The following KLRG1 variants were observed in gnomAD, a reference collection of about 807,000 sequenced individuals.
The protein encoded by KLRG1 is killer cell lectin-like receptor subfamily G member 1.
KLRG1 carries 16 observed loss-of-function variants against 21.8 expected under a neutral mutation model. The ratio of observed to expected loss-of-function variants is 0.73; its 90% CI spans 0.50 to 1.11. The LOEUF is 1.11. Ranked by LOEUF, KLRG1 falls within the 50% of genes most tolerant of loss-of-function variation. The pLI, the probability that KLRG1 is intolerant of heterozygous loss-of-function variation, is 0.00. For synonymous variants in KLRG1, 69 were observed against 75.9 expected (o/e 0.91, Z 0.47); for missense variants, 173 against 218.3 (o/e 0.79, Z 1.31).
the KLRG1 span, chr12:9,180,953 T>C: frequency 6.2e-7 from 1 of 1,601,708 alleles, no homozygotes; most frequent in South Asian, 1.1e-5. Context: ...GAATGGCCCT[T>C]CCTGGTCCCC....
chr12:9,115,774 A>C, the KLRG1 span: 21 of 1,613,078 alleles, frequency 1.3e-5, no homozygotes, highest in Non-Finnish European at 1.7e-5. Context: ...GGTTTTCCAG[A>C]GACTGAGGCG....
At chr12:9,041,908 A>G in the KLRG1 span, among the ~76,000 whole-genome samples, 2 of 152,260 alleles carry the variant, frequency 1.3e-5, no homozygotes, top group African/African-American at 2.4e-5. Flanking sequence ...TCACCAAAAC[A>G]GAGACTGGTA....
chr12:9,189,897 A>G, the KLRG1 span, among the ~76,000 whole-genome samples: 1 of 152,356 alleles, frequency 6.6e-6, no homozygotes, highest in South Asian at 2.1e-4. Context: ...AAAAAAGCTC[A>G]ATACTACTGA....
rs1374567397 is a variant in KLRG1, at chr12:8,998,667, C to T, written c.357+3379C>T. Among the ~76,000 whole-genome samples, 4 of 142,404 alleles carry T rather than the reference C, an allele frequency of 2.8e-5. No individual in the cohort carries two copies. The East Asian group carries it at 6.2e-4, about 22-fold the overall frequency. The allele number at this position is 142,404 out of a possible 152,430, so 93.4% of individuals were successfully genotyped here. ...TCACACCACTGCACTCCAGCCTGGG[C>T]AACAGAGCGAGACTCTGTCTCAAAA... On this transcript the variant is annotated intron_variant, in intron 3 of 4. Coordinates refer to ENST00000356986, the MANE Select transcript of KLRG1 (RefSeq NM_005810.4).
chr12:9,068,287 C>CATG, the KLRG1 span: 1 of 1,543,418 alleles, frequency 6.5e-7, no homozygotes, highest in African/African-American at 1.4e-5. Context: ...AGAAAGCAAA[C>CATG]ATCTGTGGGA....
At chr12:9,103,902 G>A in the KLRG1 span, among the ~76,000 whole-genome samples, 7 of 152,126 alleles carry the variant, frequency 4.6e-5, no homozygotes, top group South Asian at 4.1e-4. Context: ...TTGAGACCCC[G>A]TTTTCGATTC....
the KLRG1 span, among the ~76,000 whole-genome samples, chr12:9,084,926 G>C: frequency 1.3e-5 from 2 of 152,008 alleles, no homozygotes; most frequent in African/African-American, 4.8e-5. Context: ...ACTGTACAAA[G>C]AGACAAAGGA....
At chr12:9,193,583 G>T in the KLRG1 span, among the ~76,000 whole-genome samples, 1 of 152,114 alleles carries the variant, frequency 6.6e-6, no homozygotes, top group Non-Finnish European at 1.5e-5. Context: ...CTGAGAAACA[G>T]AAATAATGTA....
At chr12:9,074,105 AAAG>A in the KLRG1 span, among the ~76,000 whole-genome samples, 86 of 135,664 alleles carry the variant, frequency 6.3e-4, no homozygotes, top group Non-Finnish European at 9.9e-4. Context: ...AAAAAAAAAA[AAAG>A]GTGAATAGGG....
At chr12:9,158,740 CTTTTTTCTTTTCTTTTCTTTT>C in the KLRG1 span, among the ~76,000 whole-genome samples, 2 of 125,694 alleles carry the variant, frequency 1.6e-5, no homozygotes, top group Non-Finnish European at 3.4e-5. Context: ...ATCTCTTTTT[CTTTTTTCTTTTCTTTTCTTTT>C]TTTTTTTTTT....
the KLRG1 span, among the ~76,000 whole-genome samples, chr12:9,043,446 T>C: frequency 3.2e-4 from 48 of 152,326 alleles, no homozygotes; most frequent in Non-Finnish European, 6.3e-4. Flanking sequence ...CAAGGAGTAG[T>C]ACCTAAGGAA....
chr12:9,178,082 A>G, the KLRG1 span, among the ~76,000 whole-genome samples: 1 of 152,260 alleles, frequency 6.6e-6, no homozygotes, highest in African/African-American at 2.4e-5. Flanking sequence ...TGTTAATAAA[A>G]TACAAATCAA....
At chr12:9,154,826 A>G in the KLRG1 span, 9 of 1,613,954 alleles carry the variant, frequency 5.6e-6, no homozygotes, top group South Asian at 5.5e-5. Context: ...GGCGCTCCCA[A>G]TGGACGAGGT....
At chr12:9,110,752 A>G in the KLRG1 span, among the ~76,000 whole-genome samples, 1 of 152,156 alleles carries the variant, frequency 6.6e-6, no homozygotes, top group Admixed American at 6.5e-5. Context: ...AGTTTCATAT[A>G]GAATAATTCC....
At chr12:8,998,915 C>T (rs1947224524) in intron 3 of KLRG1, among the ~76,000 whole-genome samples, 1 of 152,066 alleles carries the variant, frequency 6.6e-6, no homozygotes, top group African/African-American at 2.4e-5. Context: ...GTGATGAGGT[C>T]TCACTATGTT....
At chr12:9,169,588 A>G in the KLRG1 span, 1 of 1,607,364 alleles carries the variant, frequency 6.2e-7, no homozygotes, top group East Asian at 2.2e-5. Context: ...AGCAGATTAT[A>G]TACCTGTAGC....
At chr12:8,964,018 T>TG (rs1946423243) in intron 1 of KLRG1, among the ~76,000 whole-genome samples, 1 of 152,196 alleles carries the variant, frequency 6.6e-6, no homozygotes, top group East Asian at 1.9e-4. Context: ...TGAAGGGTTT[T>TG]TTGTGTCTCT....
the KLRG1 span, among the ~76,000 whole-genome samples, chr12:9,094,379 A>C: frequency 7.0e-6 from 1 of 143,392 alleles, no homozygotes; most frequent in Admixed American, 7.1e-5. Flanking sequence ...ATATATACCT[A>C]TACATGCATA....
chr12:9,187,997 A>C, the KLRG1 span, among the ~76,000 whole-genome samples: 3 of 152,258 alleles, frequency 2.0e-5, no homozygotes, highest in Admixed American at 1.3e-4. Context: ...GGTTGCCCCC[A>C]TGAGGAGAAG....
Sources: allele counts gnomAD v4.1 joint callset (sites outside exome capture counted in the v4.1 genomes callset), GRCh38; gene constraint gnomAD v4.1.1; transcripts MANE v1.5; gene names NCBI Gene and HGNC (gene_info 2026-07-23, HGNC 2026-07-21).